FER1L5: variants seen among roughly 807,000 people sequenced by gnomAD.
FER1L5 encodes the protein fer-1 like family member 5.
FER1L5 carries 187 observed loss-of-function variants against 279.9 expected under a neutral mutation model. The observed-to-expected ratio is 0.67, with a 90% CI of 0.59 to 0.75. The LOEUF is 0.75. FER1L5 is among the 30% of genes least tolerant of loss of function. FER1L5 has a pLI of 0.00. For synonymous variants in FER1L5, 921 were observed against 989.7 expected (o/e 0.93, Z 1.30); for missense variants, 2,091 against 2,594.4 (o/e 0.81, Z 4.21).
rs540975731 is a variant in FER1L5 at position 96,668,748 on chromosome 2, C to T, written c.1141-3C>T. The stretch of plus-strand genomic sequence containing the variant: ...CACCGCACCTCTCTCCTTCCCTCCA[C>T]AGCTACCCTGCCTCTCCAGCTACAT... On this transcript the variant is annotated splice_region_variant and splice_polypyrimidine_tract_variant and intron_variant, in intron 14 of 52. Transcript: ENST00000624922. The T allele has an allele frequency of 1.3e-6, 2 of 1,551,540 alleles. No individual in the cohort carries two copies. The highest frequency in any genetic ancestry group is 1.7e-6 in the Non-Finnish European group (2 of 1,146,912).
At position 96,691,345 on chromosome 2, in the gene FER1L5, C is replaced by T. The variant is rs537931510; in HGVS notation, c.2899C>T (p.Leu967=). 6.5e-7 allele frequency: 1 copy of T among 1,549,352 alleles called. No homozygotes were observed. The highest frequency in any genetic ancestry group is 1.2e-5 in the South Asian group (1 of 83,970). The stretch of plus-strand genomic sequence containing the variant: ...CCACGAGCAGGAGACCCTCTCCTTC[C>T]TGCAGCTGGTGAGGGGTCGACGGGC... ...LSHEQETLSF[L]QLGLAKGEEE... Residue 967 remains leucine, a synonymous_variant, in exon 28 of 53, where the codon CTG becomes TTG. Transcript: ENST00000624922. This position sits in a 1 kb window ranked among gnomAD's most constrained non-coding sequence, Gnocchi z 6.0.
At chr2:96,659,324 T>G (rs1052873420) in intron 9 of FER1L5, among the ~76,000 whole-genome samples, 1 of 68,392 alleles carries the variant, frequency 1.5e-5, no homozygotes, top group Non-Finnish European at 2.7e-5. Flanking sequence ...CTTCCTTCCT[T>G]CCTTCCTTCC....
At chr2:96,692,302 C>A in intron 31 of FER1L5, 121 bp downstream of exon 31, 1 of 1,042,842 alleles carries the variant, frequency 9.6e-7, no homozygotes, top group Non-Finnish European at 1.4e-6. Context: ...CCCTGCCTGT[C>A]GGCCCCTCAC....
intron 9 of FER1L5, among the ~76,000 whole-genome samples, chr2:96,659,481 CT>C (rs1230852092): frequency 3.2e-5 from 1 of 31,388 alleles, no homozygotes; most frequent in East Asian, 7.9e-4. Context: ...TTCTTTCTTT[CT>C]TTCTTTCTTT....
rs916646853 is a variant in FER1L5 at position 96,685,996 on chromosome 2, G to T, written c.1952G>T (p.Arg651Met). Residue 651 changes from arginine (R) to methionine (M), a missense_variant, in exon 22 of 53, where the codon AGG becomes ATG. Physicochemically the swap from Arg to Met is moderately conservative, Grantham distance 91. Transcript: ENST00000624922. ...AAAGCCACCAGCCTGGACAGGAAGA[G>T]GTGGCAGCTCCGCAGCCTCCTCCTG... The part of the protein sequence containing the change: ...QPKATSLDRK[R>M]WQLRSLLLQE... 1.9e-6 allele frequency: 3 copies of T among 1,551,348 alleles called. No individual in the cohort carries two copies. Among genetic ancestry groups the T allele is most frequent in the African/African-American group, 1.4e-5 (1 of 73,184 alleles).
chr2:96,689,536 A>T lies in FER1L5; in HGVS notation c.2526-108A>T. 7.0e-7 allele frequency: 1 copy of T among 1,424,294 alleles called. No homozygotes were observed. Among genetic ancestry groups the T allele is most frequent in the Non-Finnish European group, 9.7e-7 (1 of 1,034,770 alleles). The allele number at this position is 1,424,294 out of a possible 1,614,324, so 88.2% of individuals were successfully genotyped here. A position where few individuals can be genotyped will look rare whatever the true frequency, so the allele number is the denominator to read the frequency against. On this transcript the variant is annotated intron_variant, in intron 25 of 52. Transcript: ENST00000624922. The surrounding 1 kb of genome is among the most constrained non-coding windows in gnomAD (Gnocchi z 4.6). ...CTGCCCACCACCCTGTCCTGCCCAG[A>T]GCAGGTGGGGATGGGATGCCAGGTA...
chr2:96,683,270 C>T (rs1299205226), intron 19 of FER1L5, among the ~76,000 whole-genome samples: 1 of 152,200 alleles, frequency 6.6e-6, no homozygotes, highest in Non-Finnish European at 1.5e-5. Flanking sequence ...GTGTTGACCC[C>T]TGCCGAGGGC....
intron 18 of FER1L5, 129 bp downstream of exon 18, chr2:96,670,376 G>A: frequency 8.2e-7 from 1 of 1,221,570 alleles, no homozygotes; most frequent in Admixed American, 2.6e-5. Flanking sequence ...AAGGATGCCT[G>A]ATCAATCGGC....
chr2:96,675,573 C>A (rs2076482396), intron 19 of FER1L5, among the ~76,000 whole-genome samples: 1 of 151,926 alleles, frequency 6.6e-6, no homozygotes, highest in Non-Finnish European at 1.5e-5. Context: ...ATTACAGGCG[C>A]CTGCCACCAT....
At chr2:96,693,246 C>T (rs1192080813) in intron 31 of FER1L5, among the ~76,000 whole-genome samples, 1 of 152,064 alleles carries the variant, frequency 6.6e-6, no homozygotes, top group Non-Finnish European at 1.5e-5. Flanking sequence ...CAGAGGATCC[C>T]CTGCCCTCCA....
intron 23 of FER1L5, 38 bp downstream of exon 23, chr2:96,686,388 A>G: frequency 6.5e-7 from 1 of 1,532,964 alleles, no homozygotes; most frequent in Non-Finnish European, 8.8e-7. Context: ...GACAGGGCTG[A>G]GAAATGCCCC....
chr2:96,672,367 C>T (rs180702190), intron 18 of FER1L5, among the ~76,000 whole-genome samples: 43 of 152,246 alleles, frequency 2.8e-4, no homozygotes, highest in African/African-American at 8.2e-4. Flanking sequence ...TGAGCCACCA[C>T]GCCTGGCCTC....
intron 9 of FER1L5, among the ~76,000 whole-genome samples, chr2:96,659,596 A>C (rs1036362715): frequency 1.3e-5 from 2 of 149,248 alleles, no homozygotes; most frequent in African/African-American, 4.9e-5. Flanking sequence ...GGTTCACACC[A>C]TTCTCCTGCC....
rs1438213973 is a variant in FER1L5 at position 96,661,420 on chromosome 2, G to C, written c.874G>C (p.Gly292Arg). The C allele has an allele frequency of 1.9e-6, 3 of 1,551,320 alleles. No individual in the cohort carries two copies. The highest frequency in any genetic ancestry group is 2.6e-6 in the Non-Finnish European group (3 of 1,146,920). Reference protein sequence around the residue: ...GYLKVTIYALGVGDQALIDQK... With the variant: ...GYLKVTIYALRVGDQALIDQK... ...CCTGAAAGTCACCATCTATGCCCTCGGTGTGGGAGACCAGGCCCTGGTGAG... is the reference window on the plus strand; with the variant it reads ...CCTGAAAGTCACCATCTATGCCCTCCGTGTGGGAGACCAGGCCCTGGTGAG... Residue 292 changes from glycine to arginine, a missense_variant, in exon 11 of 53, where the codon GGT becomes CGT. Physicochemically the swap from Gly to Arg is moderately radical, Grantham distance 125. Coordinates refer to ENST00000624922, the MANE Select transcript of FER1L5 (RefSeq NM_001293083.2).
At chr2:96,700,309 C>T (rs1220326059) in intron 44 of FER1L5, 23 bp from the exon 45 acceptor site, 1 of 1,610,960 alleles carries the variant, frequency 6.2e-7, no homozygotes, top group Non-Finnish European at 8.5e-7. Flanking sequence ...GCAATCCCCT[C>T]CTTCCATCCC....
intron 19 of FER1L5, among the ~76,000 whole-genome samples, chr2:96,676,029 C>T (rs998000194): frequency 4.0e-5 from 6 of 151,830 alleles, no homozygotes; most frequent in African/African-American, 9.7e-5. Flanking sequence ...CAAGCTTTAT[C>T]GTTTTATCTT....
intron 9 of FER1L5, among the ~76,000 whole-genome samples, chr2:96,659,303 T>TTCCC (rs2075742915): frequency 2.8e-5 from 1 of 35,734 alleles, no homozygotes; most frequent in African/African-American, 8.8e-5. Context: ...CCTTCCTTCC[T>TTCCC]TCCTTCCTTC....
chr2:96,685,225 C>G (rs774158477), intron 20 of FER1L5, 104 bp from the exon 21 acceptor site: 17 of 1,000,804 alleles, frequency 1.7e-5, no homozygotes, highest in Non-Finnish European at 2.4e-5. Flanking sequence ...TCAAAGTTCC[C>G]AAGGTCGTGG....
Position 96,694,765 on chromosome 2 carries a change from G to C in FER1L5, c.3741+301G>C. The C allele has an allele frequency of 3.9e-6, 1 of 258,250 alleles. No individual in the cohort carries two copies. Among genetic ancestry groups the C allele is most frequent in the Non-Finnish European group, 7.3e-6 (1 of 137,382 alleles). 16.0% of individuals were successfully genotyped at this position (258,250 alleles called of 1,614,324 possible). On this transcript the variant is annotated intron_variant, in intron 34 of 52. Transcript: ENST00000624922. The surrounding 1 kb of genome is among the most constrained non-coding windows in gnomAD (Gnocchi z 4.6). ...CTACTTTGCAGAGAAGGAAATAGAG[G>C]CTCCAAGAGATAACACATTCCACGC...
Sources: allele counts gnomAD v4.1 joint callset (sites outside exome capture counted in the v4.1 genomes callset), GRCh38; gene constraint gnomAD v4.1.1; non-coding constraint Gnocchi (gnomAD v3.1); transcripts MANE v1.5; gene names NCBI Gene and HGNC (gene_info 2026-07-23, HGNC 2026-07-21).